NCAM1: variants seen among roughly 807,000 people sequenced by gnomAD.
NCAM1 encodes antigen recognized by monoclonal antibody 5.1H11.
A neutral mutation model predicts 109.8 loss-of-function variants in NCAM1; 14 were observed. That is an observed-to-expected ratio of 0.13 (90% CI 0.08 to 0.20). The LOEUF is 0.20. NCAM1 is among the 10% of genes least tolerant of loss of function. The pLI is 1.00. For missense variants in NCAM1, 774 were observed against 1,109.9 expected (o/e 0.70, Z 4.30); for synonymous variants, 418 against 442.9 (o/e 0.94, Z 0.70).
chr11:113,224,049 C>T (rs1016305628), intron 9 of NCAM1, among the ~76,000 whole-genome samples: 30 of 152,296 alleles, frequency 2.0e-4, no homozygotes, highest in African/African-American at 1.4e-4. Flanking sequence ...ACTGAGGTAC[C>T]GGGTTCATCT....
At chr11:113,053,368 T>A (rs1269449378) in intron 1 of NCAM1, among the ~76,000 whole-genome samples, 2 of 152,200 alleles carry the variant, frequency 1.3e-5, no homozygotes, top group African/African-American at 4.8e-5. Context: ...GCAATGAACA[T>A]ACACGTGTAT....
At chr11:113,159,774 T>C (rs1555104033) in intron 1 of NCAM1, among the ~76,000 whole-genome samples, 1 of 151,966 alleles carries the variant, frequency 6.6e-6, no homozygotes, top group Non-Finnish European at 1.5e-5. Context: ...GTTACATATG[T>C]ATACGTGTGC....
chr11:113,056,330 A>T (rs1250852426), intron 1 of NCAM1, among the ~76,000 whole-genome samples: 1 of 152,044 alleles, frequency 6.6e-6, no homozygotes, highest in Non-Finnish European at 1.5e-5. Flanking sequence ...CTTGTATTCG[A>T]TAATACGGTA....
At chr11:113,199,829 T>TGGAAAAA (rs60389510) in intron 1 of NCAM1, among the ~76,000 whole-genome samples, 21 of 115,776 alleles carry the variant, frequency 1.8e-4, no homozygotes, top group African/African-American at 5.8e-4. Flanking sequence ...GAAACACCCT[T>TGGAAAAA]AAAAAAAAAA....
chr11:113,249,583 GC>G (rs1374978277), intron 15 of NCAM1, among the ~76,000 whole-genome samples: 12 of 152,268 alleles, frequency 7.9e-5, no homozygotes, highest in Middle Eastern at 3.4e-3. Flanking sequence ...ATGGGCACGA[GC>G]CCCCTTGTGG....
At chr11:113,132,145 C>T (rs575564813) in intron 1 of NCAM1, among the ~76,000 whole-genome samples, 1 of 152,248 alleles carries the variant, frequency 6.6e-6, no homozygotes, top group African/African-American at 2.4e-5. Context: ...GCTGGAACAC[C>T]ATGCTGGGCT....
At chr11:113,016,369 C>T (rs1952205169) in intron 1 of NCAM1, among the ~76,000 whole-genome samples, 1 of 152,186 alleles carries the variant, frequency 6.6e-6, no homozygotes. Context: ...GAATTTTGGT[C>T]TCTGCCTAAT....
rs76707924 is a variant in NCAM1 at position 112,988,232 on chromosome 11, T to C, written c.52+26568T>C. ...GTGTCACAATTTACTTCCCTTTATA[T>C]TGTGTATCCTTTAACAAATTATTAC... On this transcript the variant is annotated intron_variant, in intron 1 of 19. Transcript: ENST00000316851. 3.1e-3 allele frequency among the ~76,000 whole-genome samples: 466 copies of C among 152,302 alleles called. 1 individual carries two copies. Among genetic ancestry groups the C allele is most frequent in the Middle Eastern group, 0.014 (4 of 294 alleles).
chr11:113,179,002 G>A (rs1005583700), intron 1 of NCAM1, among the ~76,000 whole-genome samples: 4 of 152,128 alleles, frequency 2.6e-5, no homozygotes, highest in Admixed American at 6.5e-5. Flanking sequence ...CTGCTCCACT[G>A]GTTTGTGAGA....
At chr11:113,232,440 C>A in intron 11 of NCAM1, 86 bp downstream of exon 11, 1 of 1,338,940 alleles carries the variant, frequency 7.5e-7, no homozygotes, top group Non-Finnish European at 1.0e-6. Context: ...GTCCTCTCTC[C>A]TGCTTCTCTG....
rs35387760 is a variant in NCAM1, at chr11:113,210,775, A to AACACACACACACACACAC, written c.916+2803_916+2820dup. ...GACACATACACCCCTCTTCATCACAAACACACACACACACACACACACACA... is the reference window on the plus strand; with the variant it reads ...GACACATACACCCCTCTTCATCACAAACACACACACACACACACACACACACACACACACACACACACA... On this transcript the variant is annotated intron_variant, in intron 7 of 19. Transcript: ENST00000316851. Among the ~76,000 whole-genome samples, 65 of 130,976 alleles carry AACACACACACACACACAC rather than the reference A, an allele frequency of 5.0e-4. No homozygotes were observed. The East Asian group carries it at 5.3e-3, about 11-fold the overall frequency. 85.9% of individuals were successfully genotyped at this position (130,976 alleles called of 152,430 possible).
At chr11:113,225,600 T>C (rs1403422522) in intron 9 of NCAM1, among the ~76,000 whole-genome samples, 1 of 150,996 alleles carries the variant, frequency 6.6e-6, no homozygotes, top group East Asian at 1.9e-4. Context: ...AGATACTCCT[T>C]GAGAAGGACA....
At chr11:113,258,946 C>T (rs1268050126) in intron 16 of NCAM1, among the ~76,000 whole-genome samples, 1 of 152,184 alleles carries the variant, frequency 6.6e-6, no homozygotes, top group Non-Finnish European at 1.5e-5. Flanking sequence ...TTAGTAAGAG[C>T]CTGACAAAAC....
chr11:112,964,153 T>TGG (rs1301502528), intron 1 of NCAM1, among the ~76,000 whole-genome samples: 1 of 14,656 alleles, frequency 6.8e-5, no homozygotes, highest in Admixed American at 6.9e-4. Context: ...TTTTTTTTTT[T>TGG]TGTTTTTTTT....
intron 1 of NCAM1, among the ~76,000 whole-genome samples, chr11:113,107,730 C>T (rs1185201219): frequency 6.6e-6 from 1 of 152,090 alleles, no homozygotes; most frequent in African/African-American, 2.4e-5. Flanking sequence ...GGGTCCCTCC[C>T]ACAATATGTG....
chr11:113,277,355 G>T lies in NCAM1; in HGVS notation c.*1968G>T. ...TTATGTTGCATTTTCTCAGCTCCTG[G>T]GGATGGAAATGGAGGATCCCAGAAC... On this transcript the variant is annotated 3_prime_UTR_variant, in exon 20 of 20. Coordinates refer to ENST00000316851, the MANE Select transcript of NCAM1 (RefSeq NM_181351.5). 2 of 399,116 alleles carry T rather than the reference G, an allele frequency of 5.0e-6. No individual in the cohort carries two copies. Among genetic ancestry groups the T allele is most frequent in the South Asian group, 1.3e-4 (1 of 7,844 alleles). The allele number at this position is 399,116 out of a possible 1,614,324, so 24.7% of individuals were successfully genotyped here.
intron 1 of NCAM1, among the ~76,000 whole-genome samples, chr11:112,988,689 C>T (rs1353595714): frequency 2.0e-5 from 3 of 151,100 alleles, no homozygotes; most frequent in Non-Finnish European, 2.9e-5. Flanking sequence ...TTCTTGTATG[C>T]GATGAGTTTC....
At chr11:113,071,895 A>G (rs1938283153) in intron 1 of NCAM1, among the ~76,000 whole-genome samples, 1 of 152,212 alleles carries the variant, frequency 6.6e-6, no homozygotes, top group Non-Finnish European at 1.5e-5. Flanking sequence ...CTGTAATTCC[A>G]GCACTTTAGG....
At chr11:112,998,925 T>C (rs377437102) in intron 1 of NCAM1, among the ~76,000 whole-genome samples, 3 of 152,322 alleles carry the variant, frequency 2.0e-5, no homozygotes, top group African/African-American at 7.2e-5. Flanking sequence ...GTTTCCTCTA[T>C]ACTTCAAAGA....
Sources: gnomAD v4.1 joint callset for allele counts (sites outside exome capture counted in the v4.1 genomes callset) on GRCh38, gnomAD v4.1.1 for gene constraint, MANE v1.5 for transcripts, NCBI Gene and HGNC (gene_info 2026-07-23, HGNC 2026-07-21) for gene names.